CA10: variants seen among roughly 807,000 people sequenced by gnomAD.
CA10 encodes carbonic anhydrase-related protein 10.
In CA10, 14 loss-of-function variants were observed where a neutral mutation model predicts 44.2. The ratio of observed to expected loss-of-function variants is 0.32; its 90% CI spans 0.21 to 0.50. CA10 has a LOEUF of 0.50. CA10 is among the 20% of genes least tolerant of loss of function. The pLI is 0.99. For missense variants in CA10, 350 were observed against 409.7 expected (o/e 0.85, Z 1.26); for synonymous variants, 159 against 141.6 (o/e 1.12, Z -0.87).
At chr17:51,807,042 A>T (rs1426761860) in intron 3 of CA10, among the ~76,000 whole-genome samples, 1 of 152,254 alleles carries the variant, frequency 6.6e-6, no homozygotes, top group East Asian at 1.9e-4. Context: ...ACCAAGGCAG[A>T]TTAAAGTGCA....
intron 1 of CA10, among the ~76,000 whole-genome samples, chr17:52,073,040 G>A (rs1407631271): frequency 2.6e-5 from 4 of 152,058 alleles, no homozygotes; most frequent in African/African-American, 9.7e-5. Flanking sequence ...CAAGTGAATT[G>A]GGGCAATGCC....
At chr17:51,745,255 T>C (rs1904635915) in intron 4 of CA10, among the ~76,000 whole-genome samples, 2 of 152,208 alleles carry the variant, frequency 1.3e-5, no homozygotes, top group African/African-American at 2.4e-5. Flanking sequence ...ATTGTCACAG[T>C]GGTCGCTAAC....
At chr17:51,773,528 C>G (rs907456251) in intron 3 of CA10, among the ~76,000 whole-genome samples, 1 of 152,224 alleles carries the variant, frequency 6.6e-6, no homozygotes, top group Non-Finnish European at 1.5e-5. Flanking sequence ...AAGGATCTCA[C>G]TGGGCCTTTG....
intron 4 of CA10, among the ~76,000 whole-genome samples, chr17:51,721,988 A>G (rs1916365229): frequency 6.6e-6 from 1 of 152,166 alleles, no homozygotes; most frequent in Non-Finnish European, 1.5e-5. Context: ...TGTAGGATTT[A>G]TAGTTGCTTA....
chr17:52,056,252 T>C (rs554307732), intron 2 of CA10, among the ~76,000 whole-genome samples: 1 of 152,096 alleles, frequency 6.6e-6, no homozygotes, highest in African/African-American at 2.4e-5. Context: ...ACAAGGGCAT[T>C]TGGCAGGAAG....
At chr17:52,084,947 A>G (rs966606960) in intron 1 of CA10, among the ~76,000 whole-genome samples, 1 of 152,218 alleles carries the variant, frequency 6.6e-6, no homozygotes, top group East Asian at 1.9e-4. Context: ...TCTTCCAGCA[A>G]GCCGGGATGT....
intron 3 of CA10, among the ~76,000 whole-genome samples, chr17:51,828,903 A>G (rs1015772939): frequency 5.9e-5 from 9 of 152,256 alleles, no homozygotes; most frequent in African/African-American, 2.2e-4. Context: ...AGTTATGTTA[A>G]AATAGTGCAT....
intron 4 of CA10, among the ~76,000 whole-genome samples, chr17:51,704,935 C>T (rs1440438181): frequency 6.6e-6 from 1 of 150,926 alleles, no homozygotes; most frequent in East Asian, 1.9e-4. Flanking sequence ...CGCCATTCCA[C>T]TCCAGCCTGG....
rs1989133759 is a variant in CA10 at position 52,126,997 on chromosome 17, T to G, written c.61+30729A>C. 2.0e-5 allele frequency among the ~76,000 whole-genome samples: 3 copies of G among 152,202 alleles called. No individual in the cohort carries two copies. The South Asian group carries it at 6.2e-4, about 31-fold the overall frequency. On this transcript the variant is annotated intron_variant, in intron 1 of 8. Coordinates refer to ENST00000451037, the MANE Select transcript of CA10 (RefSeq NM_020178.5). ...GCCTCTTTACTTATATATTTGTATA[T>G]TTATTTGCAATTATACAATAAGATG...
chr17:52,020,459 T>C (rs1316582430), intron 2 of CA10, among the ~76,000 whole-genome samples: 1 of 152,070 alleles, frequency 6.6e-6, no homozygotes, highest in African/African-American at 2.4e-5. Context: ...TGCTTCAATC[T>C]AGGATCATTT....
intron 4 of CA10, chr17:51,661,979 C>T (rs1914024263): frequency 6.6e-6 from 1 of 152,160 alleles, no homozygotes; most frequent in Non-Finnish European, 1.5e-5. Flanking sequence ...GGCTGGGTTC[C>T]AGTAAAGCTA....
chr17:51,821,038 TCC>T (rs1907766578), intron 3 of CA10, among the ~76,000 whole-genome samples: 2 of 23,818 alleles, frequency 8.4e-5, no homozygotes, highest in Non-Finnish European at 1.6e-4. Flanking sequence ...CCTCCCTCCC[TCC>T]CTCCCTCCCT....
chr17:51,982,507 A>T (rs1468939725), intron 2 of CA10, among the ~76,000 whole-genome samples: 2 of 152,118 alleles, frequency 1.3e-5, no homozygotes, highest in East Asian at 3.9e-4. Flanking sequence ...GCATTAAGTC[A>T]AGAATATAGT....
chr17:51,702,586 TC>T (rs1428989182), intron 4 of CA10, among the ~76,000 whole-genome samples: 2 of 152,172 alleles, frequency 1.3e-5, no homozygotes, highest in African/African-American at 4.8e-5. Context: ...GACCCCAGAC[TC>T]CCTCTCCGCC....
At chr17:51,970,144 G>C (rs1984229376) in intron 2 of CA10, among the ~76,000 whole-genome samples, 1 of 152,000 alleles carries the variant, frequency 6.6e-6, no homozygotes, top group Non-Finnish European at 1.5e-5. Context: ...GCAAGGCTGG[G>C]CAAAACTTGT....
chr17:51,826,059 G>T (rs1907998443), intron 3 of CA10, among the ~76,000 whole-genome samples: 1 of 152,230 alleles, frequency 6.6e-6, no homozygotes. Flanking sequence ...ACTTGCTGAA[G>T]TGGGTACAGA....
chr17:51,980,939 A>T (rs761911623), intron 2 of CA10, among the ~76,000 whole-genome samples: 1 of 152,166 alleles, frequency 6.6e-6, no homozygotes, highest in Non-Finnish European at 1.5e-5. Flanking sequence ...CAGCATCATT[A>T]GCCATCAGGG....
At chr17:51,830,617 G>A (rs1375219920) in intron 3 of CA10, among the ~76,000 whole-genome samples, 1 of 152,154 alleles carries the variant, frequency 6.6e-6, no homozygotes, top group African/African-American at 2.4e-5. Flanking sequence ...CAGGGTCAGG[G>A]CCCAAGTGTT....
At chr17:52,043,179 G>A (rs1445781000) in intron 2 of CA10, among the ~76,000 whole-genome samples, 1 of 152,004 alleles carries the variant, frequency 6.6e-6, no homozygotes, top group Non-Finnish European at 1.5e-5. Flanking sequence ...CGTAGCATGA[G>A]CATTTTAACA....
Sources: allele counts gnomAD v4.1 joint callset (sites outside exome capture counted in the v4.1 genomes callset), GRCh38; gene constraint gnomAD v4.1.1; transcripts MANE v1.5; gene names NCBI Gene and HGNC (gene_info 2026-07-23, HGNC 2026-07-21).